Variants in EGFL7 observed in about 807,000 individuals in gnomAD.
EGFL7 encodes the protein EGF like domain multiple 7.
EGFL7 carries 48 observed loss-of-function variants against 37.1 expected under a neutral mutation model. That is an observed-to-expected ratio of 1.29 (90% CI 1.03 to 1.65). The LOEUF (loss-of-function observed/expected upper bound fraction) is 1.65, where lower values mean the gene tolerates loss of function less well. EGFL7 is among the 40% of genes most tolerant of loss of function. The probability of loss-of-function intolerance (pLI) is 0.00; values close to 1 mark genes in which losing one functional copy is unlikely to be tolerated. For missense variants in EGFL7, 384 were observed against 378.9 expected (o/e 1.01, Z -0.11); for synonymous variants, 180 against 156.8 (o/e 1.15, Z -1.10).
At position 136,672,255 on chromosome 9, in the gene EGFL7, C is replaced by G. The variant is rs2119166486; in HGVS notation, c.800-9C>G. The G allele has an allele frequency of 1.2e-6, 2 of 1,613,412 alleles. No homozygotes were observed. Among genetic ancestry groups the G allele is most frequent in the South Asian group, 2.2e-5 (2 of 91,086 alleles). ...AGTGATCTCTGACCTTCGCCTCATC[C>G]AACCCTAGGCTCCTGCAAGAAAGAC... On this transcript the variant is annotated splice_polypyrimidine_tract_variant and intron_variant, in intron 10 of 10. Coordinates refer to ENST00000308874, the MANE Select transcript of EGFL7 (RefSeq NM_016215.5).
chr9:136,671,985 G>T lies in EGFL7; in HGVS notation c.696G>T (p.Gly232=). The change falls in exon 10 of 11, where the codon GGG becomes GGT. Residue 232 remains glycine (G), a synonymous_variant. Transcript: ENST00000308874. ...TGGCCTCGCAGGCACTGGAGCATGGGCTCCCGGACCCCGGCAGCCTCCTGG... is the reference window on the plus strand; with the variant it reads ...TGGCCTCGCAGGCACTGGAGCATGGTCTCCCGGACCCCGGCAGCCTCCTGG... The part of the protein sequence containing the change: ...HSLASQALEH[G]LPDPGSLLVH... 1 of 1,542,136 alleles carries T rather than the reference G, an allele frequency of 6.5e-7. No homozygotes were observed. Among genetic ancestry groups the T allele is most frequent in the Non-Finnish European group, 8.7e-7 (1 of 1,146,478 alleles).
At chr9:136,668,199 G>A (rs1363289113) in intron 3 of EGFL7, 42 bp from the exon 4 acceptor site, 1 of 1,215,076 alleles carries the variant, frequency 8.2e-7, no homozygotes, top group South Asian at 1.4e-5. Flanking sequence ...GCGTCCTGGG[G>A]GCATCTGCGG....
At chr9:136,670,113 T>A (rs1036174057) in intron 7 of EGFL7, 56 bp from the exon 8 acceptor site, 1 of 1,610,066 alleles carries the variant, frequency 6.2e-7, no homozygotes, top group African/African-American at 1.3e-5. Flanking sequence ...TGAAGGGAGC[T>A]GTGTGGGCAG....
At chr9:136,667,060 G>A (rs1165260733) in intron 3 of EGFL7, among the ~76,000 whole-genome samples, 2 of 152,196 alleles carry the variant, frequency 1.3e-5, no homozygotes, top group South Asian at 2.1e-4. Context: ...CGCTGGGACC[G>A]GGTGATGCCT....
intron 4 of EGFL7, 76 bp from the exon 5 acceptor site, chr9:136,668,481 G>C: frequency 2.6e-6 from 4 of 1,550,572 alleles, no homozygotes; most frequent in Non-Finnish European, 3.5e-6. Flanking sequence ...TGAGGGTCCT[G>C]CCCCGGCCAC....
chr9:136,671,632 C>T (rs1187677864), intron 9 of EGFL7, among the ~76,000 whole-genome samples: 1 of 151,906 alleles, frequency 6.6e-6, no homozygotes, highest in Non-Finnish European at 1.5e-5. Flanking sequence ...TCTTTGTCCC[C>T]ACCAGGACAA....
chr9:136,670,636 G>A (rs1845789629), intron 8 of EGFL7: 1 of 772,184 alleles, frequency 1.3e-6, no homozygotes, highest in Non-Finnish European at 2.4e-6. Context: ...TTTGGTACGC[G>A]CTGTGACACT....
At position 136,670,347 on chromosome 9, in the gene EGFL7, G is replaced by T. The variant is rs762057976; in HGVS notation, c.571+17G>T. ...ACCCGACAGGTAAACAGCCCTGGCT[G>T]TGCCTGGCCTGGGGAGGCGGGCAGG... On this transcript the variant is annotated intron_variant, in intron 8 of 10. Coordinates refer to ENST00000308874, the MANE Select transcript of EGFL7 (RefSeq NM_016215.5). 1.9e-5 allele frequency: 29 copies of T among 1,538,418 alleles called. No homozygotes were observed. The highest frequency in any genetic ancestry group is 2.6e-6 in the Non-Finnish European group (3 of 1,138,692).
rs1248009106 is a variant in EGFL7 at position 136,666,362 on chromosome 9, C to T, written c.-43+1577C>T. Among the ~76,000 whole-genome samples the T allele has an allele frequency of 1.4e-5, 2 of 147,220 alleles. No individual in the cohort carries two copies. The highest frequency in any genetic ancestry group is 4.9e-5 in the African/African-American group (2 of 40,920). ...GGACCCGGCCTCTCGCGGGTGGGGG[C>T]TGCGGGGCTGCTGCCGGGCAGGTGG... is the stretch of plus-strand genomic sequence containing the variant. On this transcript the variant is annotated intron_variant, in intron 3 of 10. Coordinates refer to ENST00000308874, the MANE Select transcript of EGFL7 (RefSeq NM_016215.5). This position sits in a 1 kb window ranked among gnomAD's most constrained non-coding sequence, Gnocchi z 6.8.
chr9:136,671,833 C>T (rs1200970076), intron 9 of EGFL7, 93 bp from the exon 10 acceptor site: 10 of 1,400,870 alleles, frequency 7.1e-6, no homozygotes, highest in Non-Finnish European at 8.4e-6. Flanking sequence ...GGGCTGGAGG[C>T]TTGTGGAGCC....
upstream of EGFL7, among the ~76,000 whole-genome samples, chr9:136,662,194 G>A (rs752083836): frequency 9.8e-5 from 15 of 152,328 alleles, no homozygotes; most frequent in Middle Eastern, 3.4e-3. Context: ...CCAGCCCAGA[G>A]CACCCCTGTG....
chr9:136,669,828 G>T, intron 6 of EGFL7, 86 bp from the exon 7 acceptor site: 1 of 1,446,014 alleles, frequency 6.9e-7, no homozygotes. Flanking sequence ...GCACCACCTT[G>T]CCGCAGAGCA....
rs1588247683 is a variant in EGFL7 at position 136,670,883 on chromosome 9, G to A, written c.572-67G>A. On this transcript the variant is annotated intron_variant, in intron 8 of 10. Transcript: ENST00000308874. ...CTGGCTCTGCCTCTCCCTGGGGACA[G>A]GAGGGAGCCTGGGGGTGTGGGTGGG... 5 of 1,438,200 alleles carry A rather than the reference G, an allele frequency of 3.5e-6. No individual in the cohort carries two copies. The East Asian group carries it at 1.0e-4, about 29-fold the overall frequency. 89.1% of individuals were successfully genotyped at this position (1,438,200 alleles called of 1,614,324 possible). A position where few individuals can be genotyped will look rare whatever the true frequency, so the allele number is the denominator to read the frequency against.
At position 136,666,483 on chromosome 9, in the gene EGFL7, C is replaced by T. The variant is rs558942925; in HGVS notation, c.-43+1698C>T. ...CCGCCCGGCACCCCTGGGTCGAGGC[C>T]GTGGCCCCCCCCGGGGAAATGGGGC... On this transcript the variant is annotated intron_variant, in intron 3 of 10. Transcript: ENST00000308874. The surrounding 1 kb of genome is among the most constrained non-coding windows in gnomAD (Gnocchi z 6.8). Among the ~76,000 whole-genome samples, 11 of 152,228 alleles carry T rather than the reference C, an allele frequency of 7.2e-5. No individual in the cohort carries two copies. The highest frequency in any genetic ancestry group is 1.6e-4 in the Non-Finnish European group (11 of 67,982).
At chr9:136,660,688 C>T (rs977906049), upstream of EGFL7, among the ~76,000 whole-genome samples, 1 of 152,216 alleles carries the variant, frequency 6.6e-6, no homozygotes, top group Non-Finnish European at 1.5e-5. Context: ...CACTCGGCTA[C>T]TTAGCTATTC....
At chr9:136,669,869 G>A (rs535065787) in intron 6 of EGFL7, 45 bp from the exon 7 acceptor site, 7 of 1,529,454 alleles carry the variant, frequency 4.6e-6, no homozygotes, top group Non-Finnish European at 6.2e-6. Context: ...CCCACAGGGT[G>A]CTGGGGACCC....
At chr9:136,669,409 C>CT (rs1404210277) in intron 5 of EGFL7, among the ~76,000 whole-genome samples, 197 bp from the exon 6 acceptor site, 1 of 152,220 alleles carries the variant, frequency 6.6e-6, no homozygotes. Flanking sequence ...CCTGCTGTGG[C>CT]TTGAGTCCCG....
upstream of EGFL7, among the ~76,000 whole-genome samples, chr9:136,662,421 G>A (rs980918458): frequency 6.6e-6 from 1 of 152,158 alleles, no homozygotes; most frequent in Non-Finnish European, 1.5e-5. Context: ...CTCGCCACTC[G>A]CCATCCCTCA....
At chr9:136,670,380 C>T in intron 8 of EGFL7, 50 bp downstream of exon 8, 4 of 1,499,470 alleles carry the variant, frequency 2.7e-6, no homozygotes, top group Middle Eastern at 2.1e-4. Context: ...AGGCAGTGGA[C>T]ATTGCCGTGT....
Sources: gnomAD v4.1 joint callset for allele counts (sites outside exome capture counted in the v4.1 genomes callset) on GRCh38, gnomAD v4.1.1 for gene constraint, Gnocchi (gnomAD v3.1) non-coding constraint, MANE v1.5 for transcripts, NCBI Gene and HGNC (gene_info 2026-07-23, HGNC 2026-07-21) for gene names.